The following PCDHGB6 variants were observed in gnomAD, a reference collection of about 807,000 sequenced individuals.
PCDHGB6 encodes the protein protocadherin gamma subfamily B, 6, also known as protocadherin gamma-B6.
Under a neutral mutation model 59.1 loss-of-function variants are expected in PCDHGB6, and 51 were observed. That is an observed-to-expected ratio of 0.86 (90% CI 0.69 to 1.09). The LOEUF is 1.09. Among genes scored for constraint, PCDHGB6 ranks in the 50% least tolerant of loss-of-function variants. The pLI is 0.00. For synonymous variants in PCDHGB6, 466 were observed against 495.1 expected, an observed-to-expected ratio of 0.94 and a Z score of 0.78; for missense variants, 1,148 against 1,205.1, an observed-to-expected ratio of 0.95 and a Z score of 0.70.
chr5:141,428,344 G>T (rs970552377), intron 1 of PCDHGB6: 3 of 596,498 alleles, frequency 5.0e-6, no homozygotes, highest in Non-Finnish European at 6.1e-6. Flanking sequence ...CTTCTTCCTC[G>T]CAGTGATTTT....
At chr5:141,417,940 C>G in intron 1 of PCDHGB6, 2 of 1,613,052 alleles carry the variant, frequency 1.2e-6, no homozygotes, top group Non-Finnish European at 1.7e-6. Context: ...TGTTCTACCC[C>G]ACGCTGTGTG....
chr5:141,491,964 C>T lies in PCDHGB6; in HGVS notation c.2419-2843C>T, dbSNP rs1382490003. 2.1e-6 allele frequency: 2 copies of T among 943,836 alleles called. No individual in the cohort carries two copies. The highest frequency in any genetic ancestry group is 3.0e-6 in the Non-Finnish European group (2 of 671,104). 58.5% of individuals were successfully genotyped at this position (943,836 alleles called of 1,614,324 possible). On this transcript the variant is annotated intron_variant, in intron 1 of 3. Transcript: ENST00000520790. The surrounding 1 kb of genome is among the most constrained non-coding windows in gnomAD (Gnocchi z 6.9). ...CCCCACCCCTACACTCAAAAAAGGC[C>T]GGGGCCTCCTTCGAGCTTCCGGTGA...
chr5:141,494,449 G>A (rs185095384), intron 1 of PCDHGB6, among the ~76,000 whole-genome samples: 2 of 152,254 alleles, frequency 1.3e-5, no homozygotes, highest in East Asian at 3.9e-4. Flanking sequence ...CACTTTAGGG[G>A]GCTTTGTCTG....
chr5:141,409,808 G>C lies in PCDHGB6; in HGVS notation c.1606G>C (p.Asp536His). Reference protein sequence around the residue: ...RAFALTLQARDHGSPTLSANV... With the variant: ...RAFALTLQARHHGSPTLSANV... The stretch of plus-strand genomic sequence containing the variant: ...CTTCGCGCTCACGCTGCAGGCCCGC[G>C]ACCACGGCTCGCCCACGCTCAGCGC... The change falls in exon 1 of 4, where the codon GAC becomes CAC. Residue 536 changes from aspartate to histidine, a missense_variant. Physicochemically the swap from Asp to His is moderately conservative, Grantham distance 81. This residue lies in a region of PCDHGB6 where 549 missense variants were observed against 527.5 expected (regional missense o/e 1.04). Coordinates refer to ENST00000520790, the MANE Select transcript of PCDHGB6 (RefSeq NM_018926.3). 2 of 1,611,624 alleles carry C rather than the reference G, an allele frequency of 1.2e-6. No homozygotes were observed. Among genetic ancestry groups the C allele is most frequent in the East Asian group, 2.2e-5 (1 of 44,832 alleles).
intron 1 of PCDHGB6, chr5:141,419,981 AT>A (rs1205154474): frequency 1.2e-6 from 2 of 1,614,052 alleles, no homozygotes; most frequent in Admixed American, 3.3e-5. Flanking sequence ...CCTCGCGGTG[AT>A]TCTAGCTATT....
chr5:141,499,932 C>A (rs1169727162), intron 2 of PCDHGB6, among the ~76,000 whole-genome samples: 1 of 152,076 alleles, frequency 6.6e-6, no homozygotes, highest in Non-Finnish European at 1.5e-5. Context: ...AAGTGATCCA[C>A]CCTCCTCGGC....
intron 1 of PCDHGB6, among the ~76,000 whole-genome samples, chr5:141,435,357 T>C (rs749223776): frequency 6.6e-6 from 1 of 152,208 alleles, no homozygotes; most frequent in Non-Finnish European, 1.5e-5. Flanking sequence ...CATTTAAAAT[T>C]TTATCACTTA....
Position 141,485,751 on chromosome 5 carries a change from A to G in PCDHGB6, c.2419-9056A>G. ...CGCAGCGACGGCAGCCTGGTCCCAG[A>G]GCTGCTCCTGGAGAAGCCTTTGGAT... is the stretch of plus-strand genomic sequence containing the variant. On this transcript the variant is annotated intron_variant, in intron 1 of 3. Coordinates refer to ENST00000520790, the MANE Select transcript of PCDHGB6 (RefSeq NM_018926.3). This position sits in a 1 kb window ranked among gnomAD's most constrained non-coding sequence, Gnocchi z 5.7. 6.2e-7 allele frequency: 1 copy of G among 1,614,166 alleles called. No individual in the cohort carries two copies. Among genetic ancestry groups the G allele is most frequent in the Non-Finnish European group, 8.5e-7 (1 of 1,179,998 alleles).
intron 1 of PCDHGB6, among the ~76,000 whole-genome samples, chr5:141,450,485 TTGTC>T (rs1466269978): frequency 1.3e-5 from 2 of 152,158 alleles, no homozygotes; most frequent in African/African-American, 2.4e-5. Flanking sequence ...GTTTGTTTGT[TTGTC>T]TGTTTGTTTG....
chr5:141,475,721 G>C (rs867365261), intron 1 of PCDHGB6, among the ~76,000 whole-genome samples: 5 of 152,248 alleles, frequency 3.3e-5, no homozygotes, highest in Non-Finnish European at 7.3e-5. Context: ...ACAGCCCCAA[G>C]GCTGGCTTTC....
intron 1 of PCDHGB6, chr5:141,413,000 A>G: frequency 1.7e-6 from 1 of 587,734 alleles, no homozygotes; most frequent in Admixed American, 3.6e-5. Context: ...CCGGATTCTC[A>G]GGGCTTCAAC....
intron 1 of PCDHGB6, among the ~76,000 whole-genome samples, chr5:141,492,622 C>A (rs2099742615): frequency 6.6e-6 from 1 of 152,218 alleles, no homozygotes; most frequent in South Asian, 2.1e-4. Flanking sequence ...GCCGGGCGGG[C>A]AGGACTCTAC....
intron 1 of PCDHGB6, chr5:141,416,834 C>T (rs966016844): frequency 4.6e-5 from 7 of 151,848 alleles, no homozygotes; most frequent in Non-Finnish European, 1.0e-4. Flanking sequence ...TTCTCAAGAC[C>T]CTTATAATTC....
chr5:141,505,284 G>A, intron 2 of PCDHGB6, 109 bp from the exon 3 acceptor site: 1 of 1,548,402 alleles, frequency 6.5e-7, no homozygotes. Flanking sequence ...CAGGTCTTGG[G>A]CATGGGGTAG....
rs774858191 is a variant in PCDHGB6 at position 141,413,689 on chromosome 5, C to T, written c.2418+3069C>T. On this transcript the variant is annotated intron_variant, in intron 1 of 3. Transcript: ENST00000520790. Reference sequence around the variant, plus strand: ...TCCGGATGTGGGCGTGAACTCCCTGCAGAGCTATCAGCTCAGCCCCAATAA... The same window carrying T: ...TCCGGATGTGGGCGTGAACTCCCTGTAGAGCTATCAGCTCAGCCCCAATAA... 6 of 1,613,800 alleles carry T rather than the reference C, an allele frequency of 3.7e-6. No individual in the cohort carries two copies. The Admixed American group carries it at 5.0e-5, about 13-fold the overall frequency.
chr5:141,409,102 G>T lies in PCDHGB6; in HGVS notation c.900G>T (p.Met300Ile). 2 of 1,613,996 alleles carry T rather than the reference G, an allele frequency of 1.2e-6. No homozygotes were observed. The highest frequency in any genetic ancestry group is 8.5e-7 in the Non-Finnish European group (1 of 1,179,890). The change falls in exon 1 of 4, where the codon ATG becomes ATT. Residue 300 changes from methionine to isoleucine, a missense_variant. Physicochemically the swap from Met to Ile is conservative, Grantham distance 10. This residue lies in a region of PCDHGB6 where 549 missense variants were observed against 527.5 expected (regional missense o/e 1.04). Coordinates refer to ENST00000520790, the MANE Select transcript of PCDHGB6 (RefSeq NM_018926.3). ...TCTCATTGGATGAGAAAACAGGTAT[G>T]ATTAAGAATAACCAGTCATTTGATT... is the stretch of plus-strand genomic sequence containing the variant. ...HMFSLDEKTG[M>I]IKNNQSFDFE...
chr5:141,476,803 T>G lies in PCDHGB6; in HGVS notation c.2419-18004T>G, dbSNP rs756358461. 3 of 1,613,688 alleles carry G rather than the reference T, an allele frequency of 1.9e-6. No individual in the cohort carries two copies. The highest frequency in any genetic ancestry group is 2.2e-5 in the South Asian group (2 of 91,092). ...CCCCAGCTCTCTCCGCCAGCCTGCCTATTCACATCAAGGTGCTGGACGCGA... is the reference window on the plus strand; with the variant it reads ...CCCCAGCTCTCTCCGCCAGCCTGCCGATTCACATCAAGGTGCTGGACGCGA... On this transcript the variant is annotated intron_variant, in intron 1 of 3. Transcript: ENST00000520790. The surrounding 1 kb of genome is among the most constrained non-coding windows in gnomAD (Gnocchi z 7.6).
At chr5:141,417,718 G>T in intron 1 of PCDHGB6, 1 of 1,304,720 alleles carries the variant, frequency 7.7e-7, no homozygotes. Context: ...GCTCCCGGCT[G>T]CGCAGACCTT....
Position 141,504,677 on chromosome 5 carries a change from T to C in PCDHGB6, c.2478-716T>C, listed in dbSNP as rs552242248. 4.7e-5 allele frequency among the ~76,000 whole-genome samples: 7 copies of C among 147,580 alleles called. No homozygotes were observed. In the East Asian group the frequency reaches 1.5e-3, roughly 31 times the overall value. ...TTTGAGGGCGGGGGGTGGGGGTTCT[T>C]GTAAAATAGGAGGGGCAGGTTCTTC... On this transcript the variant is annotated intron_variant, in intron 2 of 3. Transcript: ENST00000520790.
Sources: gnomAD v4.1 joint callset for allele counts (sites outside exome capture counted in the v4.1 genomes callset) on GRCh38, gnomAD v4.1.1 for gene constraint, gnomAD v4.1.1 regional missense constraint, Gnocchi (gnomAD v3.1) non-coding constraint, MANE v1.5 for transcripts, NCBI Gene and HGNC (gene_info 2026-07-23, HGNC 2026-07-21) for gene names.